Variants in FXYD2 observed in about 807,000 individuals in gnomAD.
FXYD2 encodes FXYD domain containing ion transport regulator 2.
A neutral mutation model predicts 11.8 loss-of-function variants in FXYD2; 8 were observed. The observed-to-expected ratio is 0.68, with a 90% CI of 0.40 to 1.22. FXYD2 has a LOEUF of 1.22. Ranked by LOEUF, FXYD2 falls within the 50% of genes most tolerant of loss-of-function variation. The pLI, the probability that FXYD2 is intolerant of heterozygous loss-of-function variation, is 0.01. For synonymous variants in FXYD2, 42 were observed against 33.3 expected, an observed-to-expected ratio of 1.26 and a Z score of -0.90; for missense variants, 92 against 91.8, an observed-to-expected ratio of 1.00 and a Z score of -0.01.
chr11:117,825,395 A>G (rs1347324182), upstream of FXYD2, among the ~76,000 whole-genome samples: 2 of 152,014 alleles, frequency 1.3e-5, no homozygotes, highest in Non-Finnish European at 2.9e-5. Context: ...TCCTACCACC[A>G]TTTGGCCTGG....
At position 117,822,455 on chromosome 11, in the gene FXYD2, G is replaced by T; in HGVS notation, c.90C>A (p.Gly30=). Residue 30 remains glycine (G), a synonymous_variant, in exon 3 of 6, where the codon GGC becomes GGA. Coordinates refer to ENST00000292079, the MANE Select transcript of FXYD2 (RefSeq NM_001680.5). This position sits in a 1 kb window ranked among gnomAD's most constrained non-coding sequence, Gnocchi z 4.7. ...TGAAGGCCAGTCCAGCGAAGATCAG[G>T]CCCCCATTGCGAACGGTCTCATAGT... The part of the protein sequence containing the change: ...YYDYETVRNG[G]LIFAGLAFIV... The T allele has an allele frequency of 1.9e-6, 3 of 1,562,966 alleles. No homozygotes were observed. Among genetic ancestry groups the T allele is most frequent in the Non-Finnish European group, 2.6e-6 (3 of 1,152,798 alleles).
chr11:117,821,464 A>G (rs1766491109), intron 3 of FXYD2: 5 of 986,564 alleles, frequency 5.1e-6, no homozygotes, highest in Non-Finnish European at 4.8e-6. Flanking sequence ...GTCTGTTGGC[A>G]TATCGAGAGT....
chr11:117,821,022 G>T, intron 3 of FXYD2, 127 bp from the exon 4 acceptor site: 1 of 1,222,844 alleles, frequency 8.2e-7, no homozygotes, highest in Non-Finnish European at 1.2e-6. Context: ...AGGCTTGGAG[G>T]CCACGTTTGA....
At position 117,822,397 on chromosome 11, in the gene FXYD2, C is replaced by A; in HGVS notation, c.139+9G>T. 1 of 1,555,206 alleles carries A rather than the reference C, an allele frequency of 6.4e-7. No individual in the cohort carries two copies. Among genetic ancestry groups the A allele is most frequent in the South Asian group, 1.2e-5 (1 of 84,250 alleles). On this transcript the variant is annotated intron_variant, in intron 3 of 5. Coordinates refer to ENST00000292079, the MANE Select transcript of FXYD2 (RefSeq NM_001680.5). This position sits in a 1 kb window ranked among gnomAD's most constrained non-coding sequence, Gnocchi z 4.7. ...TCAGCACCCCTTCCCTGGAGGCCAC[C>A]CCACTTACTGAGGAGGATGAGGAGC...
chr11:117,825,314 G>A (rs1012470685), upstream of FXYD2, among the ~76,000 whole-genome samples: 6 of 152,154 alleles, frequency 3.9e-5, no homozygotes, highest in East Asian at 1.2e-3. Flanking sequence ...CACCCTGCAG[G>A]TTACACCTCA....
chr11:117,822,043 T>C lies in FXYD2; in HGVS notation c.139+363A>G. On this transcript the variant is annotated intron_variant, in intron 3 of 5. Transcript: ENST00000292079. This position sits in a 1 kb window ranked among gnomAD's most constrained non-coding sequence, Gnocchi z 4.7. The stretch of plus-strand genomic sequence containing the variant: ...CTGCCATGTCTTTGGATGCTAGCCC[T>C]AATCTTGTGAGGCAGGTGGGATCAT... The C allele has an allele frequency of 9.8e-6, 12 of 1,221,946 alleles. No individual in the cohort carries two copies. The South Asian group carries it at 1.2e-4, about 12-fold the overall frequency. The allele number at this position is 1,221,946 out of a possible 1,614,324, so 75.7% of individuals were successfully genotyped here.
chr11:117,824,311 A>G lies in FXYD2; in HGVS notation c.25+343T>C. The G allele has an allele frequency of 2.2e-6, 1 of 445,324 alleles. No homozygotes were observed. 27.6% of individuals were successfully genotyped at this position (445,324 alleles called of 1,614,324 possible). A position where few individuals can be genotyped will look rare whatever the true frequency, so the allele number is the denominator to read the frequency against. On this transcript the variant is annotated intron_variant, in intron 1 of 5. Coordinates refer to ENST00000292079, the MANE Select transcript of FXYD2 (RefSeq NM_001680.5). This position sits in a 1 kb window ranked among gnomAD's most constrained non-coding sequence, Gnocchi z 4.0. Reference sequence around the variant, plus strand: ...AGAGGGGCCTGCTCCTTCCCCAGCCAGATGGACGCCGTCTGCCTCCCGCCC... The same window carrying G: ...AGAGGGGCCTGCTCCTTCCCCAGCCGGATGGACGCCGTCTGCCTCCCGCCC...
chr11:117,825,102 G>T (rs373418857), upstream of FXYD2, among the ~76,000 whole-genome samples: 16 of 152,306 alleles, frequency 1.1e-4, no homozygotes, highest in African/African-American at 3.6e-4. Context: ...CCCAGCCCAG[G>T]CAGGGCCCAC....
upstream of FXYD2, chr11:117,824,854 C>T (rs532199555): frequency 7.5e-6 from 6 of 801,776 alleles, no homozygotes; most frequent in African/African-American, 1.0e-4. This position sits in a 1 kb window ranked among gnomAD's most constrained non-coding sequence, Gnocchi z 4.0. Flanking sequence ...TGGAGGGGCT[C>T]CTTCTGCAGG....
At position 117,824,608 on chromosome 11, in the gene FXYD2, C is replaced by T. The variant is rs1459800186; in HGVS notation, c.25+46G>A. The stretch of plus-strand genomic sequence containing the variant: ...CCCCACAAAGGCAGGCCAATCAGAG[C>T]CACCCAGCATTGCACACGCCCGGGC... On this transcript the variant is annotated intron_variant, in intron 1 of 5. Coordinates refer to ENST00000292079, the MANE Select transcript of FXYD2 (RefSeq NM_001680.5). This position sits in a 1 kb window ranked among gnomAD's most constrained non-coding sequence, Gnocchi z 4.0. The T allele has an allele frequency of 7.2e-6, 11 of 1,518,570 alleles. No individual in the cohort carries two copies. The highest frequency in any genetic ancestry group is 1.4e-5 in the African/African-American group (1 of 72,838). The allele number at this position is 1,518,570 out of a possible 1,614,324, so 94.1% of individuals were successfully genotyped here.
chr11:117,826,084 A>G (rs920071734), upstream of FXYD2, among the ~76,000 whole-genome samples: 9 of 152,164 alleles, frequency 5.9e-5, no homozygotes, highest in East Asian at 1.7e-3. Context: ...GCATGCAAAG[A>G]GCATATCCCA....
upstream of FXYD2, chr11:117,827,852 T>A (rs1295345170): frequency 5.6e-6 from 4 of 716,074 alleles, no homozygotes; most frequent in East Asian, 1.1e-4. Flanking sequence ...CGTATGGAGA[T>A]GCTCTTTTTT....
Position 117,822,609 on chromosome 11 carries a change from T to C in FXYD2, c.64+70A>G. 1 of 1,585,056 alleles carries C rather than the reference T, an allele frequency of 6.3e-7. No individual in the cohort carries two copies. The highest frequency in any genetic ancestry group is 1.2e-5 in the South Asian group (1 of 86,678). On this transcript the variant is annotated intron_variant, in intron 2 of 5. Transcript: ENST00000292079. This position sits in a 1 kb window ranked among gnomAD's most constrained non-coding sequence, Gnocchi z 4.7. The stretch of plus-strand genomic sequence containing the variant: ...GGGGCACAGAGCATGGACCTGGGGC[T>C]GGGAGAGGCCGCTGCTTGGTGGAAG...
chr11:117,825,248 G>A (rs532288064), upstream of FXYD2, among the ~76,000 whole-genome samples: 2 of 152,280 alleles, frequency 1.3e-5, no homozygotes, highest in African/African-American at 4.8e-5. Context: ...AAGCTGACCA[G>A]CAGTAGATCC....
chr11:117,825,157 A>G (rs955251329), upstream of FXYD2, among the ~76,000 whole-genome samples: 2 of 152,116 alleles, frequency 1.3e-5, no homozygotes, highest in African/African-American at 4.8e-5. Context: ...GGTGTTCCTT[A>G]TGTGGTACTG....
chr11:117,821,917 T>A (rs2055914692), intron 3 of FXYD2: 1 of 1,025,554 alleles, frequency 9.8e-7, no homozygotes, highest in Non-Finnish European at 1.2e-6. Context: ...GTTATTAAGC[T>A]CCTGCTGTGT....
chr11:117,822,646 G>T lies in FXYD2; in HGVS notation c.64+33C>A. On this transcript the variant is annotated intron_variant, in intron 2 of 5. Coordinates refer to ENST00000292079, the MANE Select transcript of FXYD2 (RefSeq NM_001680.5). The surrounding 1 kb of genome is among the most constrained non-coding windows in gnomAD (Gnocchi z 4.7). Reference sequence around the variant, plus strand: ...CTGCTTGGTGGAAGGGGTCCTGAGGGCTCAGGAAGGGTGCGCAGGGGCCCA... The same window carrying T: ...CTGCTTGGTGGAAGGGGTCCTGAGGTCTCAGGAAGGGTGCGCAGGGGCCCA... The T allele has an allele frequency of 6.2e-7, 1 of 1,604,892 alleles. No homozygotes were observed.
chr11:117,827,872 G>T (rs1442949748), upstream of FXYD2: 1 of 752,672 alleles, frequency 1.3e-6, no homozygotes, highest in Non-Finnish European at 2.4e-6. Context: ...TGGAAATTCT[G>T]CCTCTCTTCC....
At chr11:117,820,509 C>A (rs1248352828) in intron 5 of FXYD2, 137 bp from the exon 6 acceptor site, 2 of 879,928 alleles carry the variant, frequency 2.3e-6, no homozygotes, top group East Asian at 2.6e-5. Flanking sequence ...AGGCCCTTGG[C>A]CATCATTTTA....
Sources: gnomAD v4.1 joint callset for allele counts (sites outside exome capture counted in the v4.1 genomes callset) on GRCh38, gnomAD v4.1.1 for gene constraint, Gnocchi (gnomAD v3.1) non-coding constraint, MANE v1.5 for transcripts, NCBI Gene and HGNC (gene_info 2026-07-23, HGNC 2026-07-21) for gene names.